The following NCOA2 variants were observed in gnomAD, a reference collection of about 807,000 sequenced individuals.
The protein encoded by NCOA2 is nuclear receptor coactivator 2.
NCOA2 carries 21 observed loss-of-function variants against 145.1 expected under a neutral mutation model. The ratio of observed to expected loss-of-function variants is 0.14; its 90% CI spans 0.10 to 0.21. The LOEUF is 0.21. NCOA2 is among the 10% of genes least tolerant of loss of function. The pLI is 1.00. For synonymous variants in NCOA2, 619 were observed against 637.5 expected, an observed-to-expected ratio of 0.97 and a Z score of 0.44; for missense variants, 1,472 against 1,837.6, an observed-to-expected ratio of 0.80 and a Z score of 3.64.
intron 1 of NCOA2, among the ~76,000 whole-genome samples, chr8:70,380,073 T>G (rs1407390807): frequency 1.3e-5 from 2 of 152,158 alleles, no homozygotes; most frequent in Non-Finnish European, 2.9e-5. Context: ...TTAAGCCTTC[T>G]ATAAATAAGA....
At chr8:70,365,824 T>A (rs567708538) in intron 1 of NCOA2, among the ~76,000 whole-genome samples, 5 of 152,052 alleles carry the variant, frequency 3.3e-5, no homozygotes, top group African/African-American at 4.8e-5. Flanking sequence ...TGAGTAAATA[T>A]GACAATGAAA....
intron 2 of NCOA2, among the ~76,000 whole-genome samples, chr8:70,227,794 C>T (rs1472540779): frequency 6.6e-6 from 1 of 152,048 alleles, no homozygotes; most frequent in African/African-American, 2.4e-5. Context: ...TGGGGTGGAT[C>T]ACCGGAGGTC....
At chr8:70,266,582 T>C (rs1183365176) in intron 2 of NCOA2, among the ~76,000 whole-genome samples, 1 of 152,158 alleles carries the variant, frequency 6.6e-6, no homozygotes, top group Non-Finnish European at 1.5e-5. Context: ...TCACCTCTTC[T>C]TTGGTCATCC....
intron 22 of NCOA2, among the ~76,000 whole-genome samples, chr8:70,119,297 A>G (rs1807501544): frequency 6.6e-6 from 1 of 152,248 alleles, no homozygotes. Context: ...ATATGTAAGA[A>G]CATGCAATAG....
At chr8:70,271,005 T>C (rs138459697) in intron 2 of NCOA2, among the ~76,000 whole-genome samples, 2 of 152,370 alleles carry the variant, frequency 1.3e-5, no homozygotes, top group East Asian at 3.9e-4. Flanking sequence ...ATTGAAATTC[T>C]ATGAACATAC....
chr8:70,291,778 C>T (rs1011129289), intron 2 of NCOA2, among the ~76,000 whole-genome samples: 3 of 152,144 alleles, frequency 2.0e-5, no homozygotes, highest in East Asian at 3.9e-4. Flanking sequence ...GCTTTAACCT[C>T]GATTCACATG....
upstream of NCOA2, among the ~76,000 whole-genome samples, chr8:70,408,451 C>T (rs565292154): frequency 6.6e-6 from 1 of 152,236 alleles, no homozygotes; most frequent in South Asian, 2.1e-4. Flanking sequence ...AAAGATGTCA[C>T]ATGATCTCTA....
intron 1 of NCOA2, among the ~76,000 whole-genome samples, chr8:70,326,527 T>G (rs1378363479): frequency 6.6e-6 from 1 of 151,352 alleles, no homozygotes; most frequent in African/African-American, 2.4e-5. Flanking sequence ...ACAAAGTAAT[T>G]TGGAGGACAT....
chr8:70,216,821 G>A (rs1051307232), intron 2 of NCOA2, 57 bp from the exon 3 acceptor site: 57 of 1,085,754 alleles, frequency 5.2e-5, no homozygotes, highest in Non-Finnish European at 7.8e-5. Context: ...ATGATGAAGT[G>A]TCTGATCATT....
At position 70,170,429 on chromosome 8, in the gene NCOA2, C is replaced by T. The variant is rs761110235; in HGVS notation, c.364-50G>A. Reference sequence around the variant, plus strand: ...TTAGAAAGGATGCAACATAACATCACATGCAATTGTTAAGAAGGGAATGAT... The same window carrying T: ...TTAGAAAGGATGCAACATAACATCATATGCAATTGTTAAGAAGGGAATGAT... On this transcript the variant is annotated intron_variant, in intron 5 of 22. Coordinates refer to ENST00000452400, the MANE Select transcript of NCOA2 (RefSeq NM_006540.4). 9 of 1,413,304 alleles carry T rather than the reference C, an allele frequency of 6.4e-6. No individual in the cohort carries two copies. The African/African-American group carries it at 1.0e-4, about 16-fold the overall frequency. 87.5% of individuals were successfully genotyped at this position (1,413,304 alleles called of 1,614,324 possible). A position where few individuals can be genotyped will look rare whatever the true frequency, so the allele number is the denominator to read the frequency against.
At chr8:70,225,418 G>A (rs779381900) in intron 2 of NCOA2, among the ~76,000 whole-genome samples, 11 of 151,902 alleles carry the variant, frequency 7.2e-5, no homozygotes, top group African/African-American at 9.7e-5. Flanking sequence ...GTGTGTTGGC[G>A]CATGCCTGTA....
chr8:70,217,134 A>G (rs1160880215), intron 2 of NCOA2, among the ~76,000 whole-genome samples: 2 of 152,164 alleles, frequency 1.3e-5, no homozygotes, highest in Non-Finnish European at 2.9e-5. Context: ...CAGGTGTTGT[A>G]AGGGGCTCCT....
intron 22 of NCOA2, among the ~76,000 whole-genome samples, 169 bp downstream of exon 22, chr8:70,121,133 T>A (rs1372870624): frequency 6.6e-6 from 1 of 152,236 alleles, no homozygotes; most frequent in African/African-American, 2.4e-5. Flanking sequence ...AAAATGAGCT[T>A]AAAGAAATAA....
intron 1 of NCOA2, among the ~76,000 whole-genome samples, chr8:70,387,835 AG>A (rs1192394070): frequency 2.9e-4 from 44 of 152,184 alleles, no homozygotes; most frequent in Non-Finnish European, 5.0e-4. Context: ...CCATGCTGTG[AG>A]GAAGTCCAAG....
chr8:70,197,269 T>G (rs907224142), intron 4 of NCOA2, among the ~76,000 whole-genome samples: 3 of 152,222 alleles, frequency 2.0e-5, no homozygotes, highest in African/African-American at 7.2e-5. Flanking sequence ...TCACTATATA[T>G]CTACATCAAC....
chr8:70,441,985 A>G, the NCOA2 span, among the ~76,000 whole-genome samples: 192 of 148,542 alleles, frequency 1.3e-3, no homozygotes, highest in Non-Finnish European at 2.4e-3. Context: ...AAGAGGAAAG[A>G]GAGAAAGAAA....
intron 1 of NCOA2, among the ~76,000 whole-genome samples, chr8:70,326,737 G>T (rs951356310): frequency 6.6e-6 from 1 of 152,092 alleles, no homozygotes; most frequent in Non-Finnish European, 1.5e-5. Context: ...AGACATACTG[G>T]TAACTCAATA....
At chr8:70,202,975 G>A (rs563898016) in intron 4 of NCOA2, among the ~76,000 whole-genome samples, 22 of 152,106 alleles carry the variant, frequency 1.4e-4, no homozygotes, top group Non-Finnish European at 2.6e-4. Flanking sequence ...GCCGGATCAC[G>A]AGGTCAAGAG....
At chr8:70,223,147 A>G (rs981020263) in intron 2 of NCOA2, among the ~76,000 whole-genome samples, 1 of 152,128 alleles carries the variant, frequency 6.6e-6, no homozygotes, top group African/African-American at 2.4e-5. Flanking sequence ...TATTCTGAAA[A>G]CCAGTTTTCA....
Sources: gnomAD v4.1 joint callset for allele counts (sites outside exome capture counted in the v4.1 genomes callset) on GRCh38, gnomAD v4.1.1 for gene constraint, MANE v1.5 for transcripts, NCBI Gene and HGNC (gene_info 2026-07-23, HGNC 2026-07-21) for gene names.